The following ATP8B4 variants were observed in gnomAD, a reference collection of about 807,000 sequenced individuals.
ATP8B4 encodes the protein probable phospholipid-transporting ATPase IM.
Under a neutral mutation model 145.6 loss-of-function variants are expected in ATP8B4, and 133 were observed. The ratio of observed to expected loss-of-function variants is 0.91; its 90% CI spans 0.79 to 1.05. The LOEUF is 1.05. Ranked by LOEUF, ATP8B4 falls within the 50% of genes least tolerant of loss-of-function variation. ATP8B4 has a pLI of 0.00. For missense variants in ATP8B4, 1,458 were observed against 1,425.2 expected, an observed-to-expected ratio of 1.02 and a Z score of -0.37; for synonymous variants, 507 against 492.9, an observed-to-expected ratio of 1.03 and a Z score of -0.38.
chr15:49,898,012 C>T (rs962428123), intron 22 of ATP8B4, 56 bp downstream of exon 22: 8 of 1,577,290 alleles, frequency 5.1e-6, no homozygotes, highest in Non-Finnish European at 6.1e-6. Context: ...TTGCCAAATG[C>T]TGAAACTGAG....
intron 23 of ATP8B4, among the ~76,000 whole-genome samples, chr15:49,887,177 T>C (rs1177353183): frequency 6.6e-6 from 1 of 152,128 alleles, no homozygotes; most frequent in African/African-American, 2.4e-5. Context: ...GCTACTCAAA[T>C]AGTTATTCTA....
chr15:50,033,294 A>G (rs537903337), intron 6 of ATP8B4, among the ~76,000 whole-genome samples: 1 of 152,368 alleles, frequency 6.6e-6, no homozygotes, highest in South Asian at 2.1e-4. Context: ...GTCAAGTACA[A>G]TTTAAAATCT....
intron 9 of ATP8B4, among the ~76,000 whole-genome samples, chr15:49,992,260 AC>A (rs1189476647): frequency 6.6e-6 from 1 of 152,172 alleles, no homozygotes; most frequent in African/African-American, 2.4e-5. Context: ...GGGCCTGAGA[AC>A]TTTAGGGCCT....
intron 3 of ATP8B4, among the ~76,000 whole-genome samples, chr15:50,061,223 T>TC (rs1281737240): frequency 1.3e-5 from 2 of 152,070 alleles, no homozygotes; most frequent in African/African-American, 4.8e-5. Flanking sequence ...CAGATTTTTT[T>TC]CCCTCCACTT....
At chr15:50,015,994 G>T (rs2049061011) in intron 6 of ATP8B4, among the ~76,000 whole-genome samples, 1 of 152,158 alleles carries the variant, frequency 6.6e-6, no homozygotes, top group Non-Finnish European at 1.5e-5. Flanking sequence ...ATAGCATGGA[G>T]AATTTAGTTT....
chr15:50,004,191 C>T (rs2048129836), intron 7 of ATP8B4, among the ~76,000 whole-genome samples: 1 of 152,182 alleles, frequency 6.6e-6, no homozygotes, highest in Non-Finnish European at 1.5e-5. Context: ...TTGTTAACCT[C>T]GTCCTTCAAG....
chr15:50,001,431 C>G (rs1202129413), intron 8 of ATP8B4, among the ~76,000 whole-genome samples: 1 of 152,160 alleles, frequency 6.6e-6, no homozygotes, highest in Non-Finnish European at 1.5e-5. Context: ...ACCATGGACT[C>G]TGGTGTCAGA....
At chr15:49,889,291 G>A (rs2036545174) in intron 23 of ATP8B4, among the ~76,000 whole-genome samples, 1 of 152,070 alleles carries the variant, frequency 6.6e-6, no homozygotes, top group South Asian at 2.1e-4. Context: ...TCTGTAAAAC[G>A]AGGGACTGGA....
chr15:50,066,999 CT>C (rs1268620280), intron 3 of ATP8B4, among the ~76,000 whole-genome samples: 1 of 152,100 alleles, frequency 6.6e-6, no homozygotes, highest in Admixed American at 6.6e-5. Flanking sequence ...CTACACTGTC[CT>C]CTCTTCGTTC....
chr15:50,151,274 G>C (rs1371339152), intron 1 of ATP8B4, among the ~76,000 whole-genome samples: 1 of 152,110 alleles, frequency 6.6e-6, no homozygotes, highest in South Asian at 2.1e-4. Flanking sequence ...CTTTTCTTTA[G>C]AAACATAACT....
At chr15:49,986,713 G>C (rs1484830643) in intron 10 of ATP8B4, among the ~76,000 whole-genome samples, 1 of 152,180 alleles carries the variant, frequency 6.6e-6, no homozygotes, top group African/African-American at 2.4e-5. Context: ...TCAAGGGCTG[G>C]CAATTGAAGC....
intron 23 of ATP8B4, among the ~76,000 whole-genome samples, chr15:49,884,687 C>T (rs748805552): frequency 1.1e-4 from 17 of 148,960 alleles, no homozygotes; most frequent in Non-Finnish European, 2.2e-4. Flanking sequence ...TGAGAGCATA[C>T]ACAATTTTAT....
chr15:49,900,414 T>C (rs748782752), intron 21 of ATP8B4, among the ~76,000 whole-genome samples: 7 of 152,230 alleles, frequency 4.6e-5, no homozygotes, highest in African/African-American at 7.2e-5. Context: ...AGATGTGAGA[T>C]TAATTCCTTG....
At chr15:50,125,604 G>C (rs2057302250) in intron 1 of ATP8B4, among the ~76,000 whole-genome samples, 1 of 152,132 alleles carries the variant, frequency 6.6e-6, no homozygotes, top group African/African-American at 2.4e-5. Context: ...TGCACTACGG[G>C]AGGTTCGAAA....
intron 9 of ATP8B4, among the ~76,000 whole-genome samples, chr15:49,990,780 C>G (rs868513774): frequency 6.6e-6 from 1 of 152,138 alleles, no homozygotes; most frequent in African/African-American, 2.4e-5. Flanking sequence ...AGAAATAGTT[C>G]TTGATTATCT....
chr15:50,172,403 G>C (rs974669329), intron 1 of ATP8B4, among the ~76,000 whole-genome samples: 1 of 152,240 alleles, frequency 6.6e-6, no homozygotes, highest in East Asian at 1.9e-4. Context: ...CTCGGCCTCC[G>C]GAGGTGCCGG....
At chr15:50,140,691 G>A (rs532170667) in intron 1 of ATP8B4, among the ~76,000 whole-genome samples, 6 of 152,272 alleles carry the variant, frequency 3.9e-5, no homozygotes, top group Non-Finnish European at 7.4e-5. Flanking sequence ...CTTCTCTGGG[G>A]AAAACTACTG....
chr15:49,969,712 A>G (rs983274227), intron 13 of ATP8B4, among the ~76,000 whole-genome samples: 1 of 152,220 alleles, frequency 6.6e-6, no homozygotes, highest in Non-Finnish European at 1.5e-5. Context: ...AGCTGGTACC[A>G]TTCCTTCTGA....
chr15:50,096,397 A>G (rs2055989220), intron 2 of ATP8B4, among the ~76,000 whole-genome samples: 1 of 152,216 alleles, frequency 6.6e-6, no homozygotes, highest in Non-Finnish European at 1.5e-5. Context: ...GTAATAAAAC[A>G]GACTGCTCTA....
Sources: gnomAD v4.1 joint callset for allele counts (sites outside exome capture counted in the v4.1 genomes callset) on GRCh38, gnomAD v4.1.1 for gene constraint, MANE v1.5 for transcripts, NCBI Gene and HGNC (gene_info 2026-07-23, HGNC 2026-07-21) for gene names.